Variants in FAM153A observed in about 807,000 individuals in gnomAD.
FAM153A encodes family with sequence similarity 153 member A.
Under a neutral mutation model 48.1 loss-of-function variants are expected in FAM153A, and 12 were observed. That is an observed-to-expected ratio of 0.25 (90% CI 0.16 to 0.40). The LOEUF is 0.40. FAM153A is among the 10% of genes least tolerant of loss of function. FAM153A has a pLI of 1.00. For synonymous variants in FAM153A, 36 were observed against 118.2 expected (o/e 0.30, Z 4.51); for missense variants, 111 against 345.8 (o/e 0.32, Z 5.38).
chr5:177,746,893 G>GTTTAA (rs1766106734), intron 4 of FAM153A, among the ~76,000 whole-genome samples: 1 of 147,706 alleles, frequency 6.8e-6, no homozygotes, highest in Non-Finnish European at 1.5e-5. Context: ...AACGTTTGTG[G>GTTTAA]TGATGATCTC....
At position 177,739,576 on chromosome 5, in the gene FAM153A, T is replaced by G. The variant is rs557138023; in HGVS notation, c.537+24A>C. ...AACCTAGGAAAATGAAATTCCCCTT[T>G]CAGACAAAAAAAGAACAACTTACAT... On this transcript the variant is annotated intron_variant, in intron 9 of 20. Coordinates refer to ENST00000614127, the Ensembl canonical transcript of FAM153A. 3.5e-5 allele frequency: 19 copies of G among 536,410 alleles called. 1 individual carries two copies. The East Asian group carries it at 7.4e-4, about 21-fold the overall frequency. 33.2% of individuals were successfully genotyped at this position (536,410 alleles called of 1,614,324 possible). A position where few individuals can be genotyped will look rare whatever the true frequency, so the allele number is the denominator to read the frequency against.
At position 177,769,052 on chromosome 5, in the gene FAM153A, C is replaced by T. The variant is rs6881285; in HGVS notation, c.-57+11397G>A. ...TCCTGGCTAACATGGTGAAACCCCA[C>T]CTCTACTAAAGAAATCCAAAAAAAA... On this transcript the variant is annotated intron_variant, in intron 1 of 8. Coordinates refer to the FAM153A transcript ENST00000393518. Among the ~76,000 whole-genome samples, 144 of 84,458 alleles carry T rather than the reference C, an allele frequency of 1.7e-3. 41 individuals carry two copies. The highest frequency in any genetic ancestry group is 9.4e-3 in the Admixed American group (74 of 7,886). 55.4% of individuals were successfully genotyped at this position (84,458 alleles called of 152,430 possible).
chr5:177,712,864 C>T (rs1720730613), exon 27 of FAM153A: 1 of 151,508 alleles, frequency 6.6e-6, no homozygotes, highest in South Asian at 2.1e-4. Flanking sequence ...AAAGACTTTT[C>T]CAGTTCTGTA....
At chr5:177,737,673 A>G (rs1764892225) in intron 10 of FAM153A, among the ~76,000 whole-genome samples, 1 of 151,312 alleles carries the variant, frequency 6.6e-6, no homozygotes, top group Non-Finnish European at 1.5e-5. Context: ...GGCATGCATC[A>G]CCATGCCCAG....
At chr5:177,755,397 T>C (rs1767622787), upstream of FAM153A, among the ~76,000 whole-genome samples, 1 of 151,834 alleles carries the variant, frequency 6.6e-6, no homozygotes, top group African/African-American at 2.4e-5. Context: ...TGGAACCAAG[T>C]TGGAAAACAC....
chr5:177,751,923 G>T (rs1766957177), intron 1 of FAM153A, among the ~76,000 whole-genome samples: 1 of 87,802 alleles, frequency 1.1e-5, no homozygotes, highest in South Asian at 4.3e-4. Context: ...TTTGGAAGAG[G>T]TGGTGAGTCC....
At chr5:177,710,047 CTG>C (rs1159883851), downstream of FAM153A, among the ~76,000 whole-genome samples, 1 of 147,758 alleles carries the variant, frequency 6.8e-6, no homozygotes, top group Non-Finnish European at 1.5e-5. Flanking sequence ...ATATAATTAA[CTG>C]TGCAAAATGA....
At chr5:177,761,525 C>T (rs1272187638) in intron 1 of FAM153A, among the ~76,000 whole-genome samples, 1 of 151,286 alleles carries the variant, frequency 6.6e-6, no homozygotes, top group Non-Finnish European at 1.5e-5. Flanking sequence ...GCAACTGTCC[C>T]CTGTGCACTC....
chr5:177,708,342 G>A (rs185372444), downstream of FAM153A, among the ~76,000 whole-genome samples: 2 of 149,840 alleles, frequency 1.3e-5, no homozygotes, highest in East Asian at 2.0e-4. Context: ...ATGGGAGGCC[G>A]AGGCAGGCAG....
At chr5:177,738,085 A>G (rs1204782798) in intron 10 of FAM153A, among the ~76,000 whole-genome samples, 1 of 151,180 alleles carries the variant, frequency 6.6e-6, no homozygotes, top group Non-Finnish European at 1.5e-5. Context: ...ACAGCCCATC[A>G]CGGGGGCAGC....
rs1399234706 is a variant in FAM153A at position 177,743,615 on chromosome 5, G to A, written c.364+779C>T. Among the ~76,000 whole-genome samples, 10 of 100,312 alleles carry A rather than the reference G, an allele frequency of 1.0e-4. 3 individuals are homozygous for A. The highest frequency in any genetic ancestry group is 5.3e-4 in the Admixed American group (5 of 9,368). 65.8% of individuals were successfully genotyped at this position (100,312 alleles called of 152,430 possible). A position where few individuals can be genotyped will look rare whatever the true frequency, so the allele number is the denominator to read the frequency against. On this transcript the variant is annotated intron_variant, in intron 6 of 20. Transcript: ENST00000614127. The stretch of plus-strand genomic sequence containing the variant: ...TCTCAGTTTCCCAGCAGAACTCGCT[G>A]TAGCATGAGGCTGCTCCAGGGTCTA...
chr5:177,699,931 C>T, the FAM153A span, among the ~76,000 whole-genome samples: 1 of 151,752 alleles, frequency 6.6e-6, no homozygotes, highest in African/African-American at 2.4e-5. Context: ...CCAATATCTC[C>T]TATGAATTTA....
At chr5:177,755,353 G>C (rs1268243050), upstream of FAM153A, among the ~76,000 whole-genome samples, 1 of 151,890 alleles carries the variant, frequency 6.6e-6, no homozygotes, top group East Asian at 1.9e-4. Flanking sequence ...CCAAATCTAT[G>C]TCTGATTGGT....
chr5:177,707,776 GTC>G (rs950773431), downstream of FAM153A, among the ~76,000 whole-genome samples: 3 of 151,708 alleles, frequency 2.0e-5, no homozygotes, highest in African/African-American at 7.3e-5. Context: ...GGCCAGGCTG[GTC>G]TCAAACTCCT....
chr5:177,710,114 CTT>C (rs544809781), downstream of FAM153A, among the ~76,000 whole-genome samples: 3 of 141,316 alleles, frequency 2.1e-5, no homozygotes, highest in Admixed American at 7.0e-5. Context: ...TGTTTAATAC[CTT>C]TTTTTTTTTT....
downstream of FAM153A, among the ~76,000 whole-genome samples, chr5:177,709,092 T>TC (rs1003983991): frequency 8.7e-3 from 205 of 23,448 alleles, 10 homozygotes; most frequent in African/African-American, 0.034. Context: ...AGACTCCGTC[T>TC]CAAAAAAAAA....
At position 177,759,236 on chromosome 5, in the gene FAM153A, A is replaced by G. The variant is rs1394441131; in HGVS notation, c.-56-10537T>C. Among the ~76,000 whole-genome samples the G allele has an allele frequency of 4.0e-5, 6 of 151,896 alleles. 1 individual carries two copies. Among genetic ancestry groups the G allele is most frequent in the Non-Finnish European group, 8.8e-5 (6 of 68,036 alleles). Reference sequence around the variant, plus strand: ...GAAAAAATGCTCATCATCACTGGCCATCAGAGAAATGCAAATCAAAACCAC... The same window carrying G: ...GAAAAAATGCTCATCATCACTGGCCGTCAGAGAAATGCAAATCAAAACCAC... On this transcript the variant is annotated intron_variant, in intron 1 of 8. Coordinates refer to the FAM153A transcript ENST00000393518.
chr5:177,755,169 T>A (rs1767586017), upstream of FAM153A, among the ~76,000 whole-genome samples: 1 of 151,990 alleles, frequency 6.6e-6, no homozygotes, highest in African/African-American at 2.4e-5. Flanking sequence ...AACCATGGCA[T>A]GAGAACTATG....
intron 18 of FAM153A, among the ~76,000 whole-genome samples, chr5:177,728,731 G>T (rs1439693635): frequency 6.6e-6 from 1 of 150,944 alleles, no homozygotes; most frequent in African/African-American, 2.5e-5. Context: ...CCACACCCAG[G>T]TAATTTTGTA....
Sources: gnomAD v4.1 joint callset for allele counts (sites outside exome capture counted in the v4.1 genomes callset) on GRCh38, gnomAD v4.1.1 for gene constraint, MANE v1.5 for transcripts, NCBI Gene and HGNC (gene_info 2026-07-23, HGNC 2026-07-21) for gene names.